CLCA4: variants seen among roughly 807,000 people sequenced by gnomAD.
The protein encoded by CLCA4 is chloride channel accessory 4.
In CLCA4, 69 loss-of-function variants were observed where a neutral mutation model predicts 78.9. The ratio of observed to expected loss-of-function variants is 0.87; its 90% CI spans 0.72 to 1.07. The LOEUF is 1.07. Ranked by LOEUF, CLCA4 falls within the 50% of genes least tolerant of loss-of-function variation. CLCA4 has a pLI of 0.00. For synonymous variants in CLCA4, 362 were observed against 375.8 expected (o/e 0.96, Z 0.42); for missense variants, 1,133 against 1,095.8 (o/e 1.03, Z -0.48).
chr1:86,576,853 G>C (rs1029592099), intron 11 of CLCA4, among the ~76,000 whole-genome samples: 2 of 152,012 alleles, frequency 1.3e-5, no homozygotes, highest in African/African-American at 4.8e-5. Context: ...GCACAGATGG[G>C]TGATGCCTAA....
In CLCA4 at chr1:86,562,853, TAAA is replaced by T. The variant is rs10579344; in HGVS notation, c.449-792_449-790del. 1.8e-3 allele frequency among the ~76,000 whole-genome samples: 245 copies of T among 133,184 alleles called. 1 individual carries two copies. Among genetic ancestry groups the T allele is most frequent in the Admixed American group, 4.2e-3 (56 of 13,314 alleles). 87.4% of individuals were successfully genotyped at this position (133,184 alleles called of 152,430 possible). On this transcript the variant is annotated intron_variant, in intron 3 of 13. Coordinates refer to ENST00000370563, the MANE Select transcript of CLCA4 (RefSeq NM_012128.4). ...CAGGCGACAGTGCGAGACTCCATCT[TAAA>T]AAAAAAAAAAAAAAAGAAGAAGAAA...
At chr1:86,549,436 T>G (rs1334213769) in intron 1 of CLCA4, among the ~76,000 whole-genome samples, 1 of 152,152 alleles carries the variant, frequency 6.6e-6, no homozygotes, top group Non-Finnish European at 1.5e-5. Context: ...CATAGGAGGA[T>G]TCTGAGCAGA....
intron 1 of CLCA4, among the ~76,000 whole-genome samples, chr1:86,558,348 G>T (rs1649910915): frequency 6.6e-6 from 1 of 152,164 alleles, no homozygotes; most frequent in African/African-American, 2.4e-5. Flanking sequence ...GCTGGTAACA[G>T]TCTTTCTATA....
chr1:86,558,963 G>C (rs1353658298), intron 1 of CLCA4, among the ~76,000 whole-genome samples: 1 of 151,988 alleles, frequency 6.6e-6, no homozygotes, highest in Non-Finnish European at 1.5e-5. Flanking sequence ...TTCCTCTCTA[G>C]CTGCCTTTAA....
chr1:86,565,648 T>C (rs1466028326), intron 5 of CLCA4, among the ~76,000 whole-genome samples, 154 bp from the exon 6 acceptor site: 1 of 152,144 alleles, frequency 6.6e-6, no homozygotes, highest in East Asian at 1.9e-4. Flanking sequence ...CTTATTATGG[T>C]AAATCTACCT....
At chr1:86,560,883 C>G (rs1046306647) in intron 3 of CLCA4, among the ~76,000 whole-genome samples, 1 of 152,054 alleles carries the variant, frequency 6.6e-6, no homozygotes, top group African/African-American at 2.4e-5. Flanking sequence ...TCATTTTGAC[C>G]TATAAAAATG....
rs145884216 is a variant in CLCA4 at position 86,580,361 on chromosome 1, A to G, written c.*16A>G. The G allele has an allele frequency of 2.7e-4, 412 of 1,542,848 alleles. 1 individual carries two copies. In the African/African-American group the frequency reaches 5.1e-3, roughly 19 times the overall value. On this transcript the variant is annotated 3_prime_UTR_variant, in exon 14 of 14. Transcript: ENST00000370563. ...CACCATTTGAACCTTAACGAAGAAA[A>G]AAATCTTCAAGTAGACCTAGAAGAG... is the stretch of plus-strand genomic sequence containing the variant.
intron 9 of CLCA4, among the ~76,000 whole-genome samples, chr1:86,573,391 G>C (rs935876806): frequency 6.6e-6 from 1 of 151,826 alleles, no homozygotes; most frequent in Non-Finnish European, 1.5e-5. Context: ...TGTGAACATA[G>C]CCAGTTTCTC....
At position 86,571,124 on chromosome 1, in the gene CLCA4, G is replaced by A. The variant is rs1446398462; in HGVS notation, c.1230G>A (p.Leu410=). Residue 410 remains leucine, a synonymous_variant, in exon 8 of 14, where the codon CTG becomes CTA. Transcript: ENST00000370563. ...AACTCGATGGATCCGAAGTACTGCTGCTGACTGATGGGGAGGATAACACTG... is the reference window on the plus strand; with the variant it reads ...AACTCGATGGATCCGAAGTACTGCTACTGACTGATGGGGAGGATAACACTG... The part of the protein sequence containing the change: ...HSQLDGSEVL[L]LTDGEDNTAS... The A allele has an allele frequency of 6.2e-7, 1 of 1,612,724 alleles. No homozygotes were observed. Among genetic ancestry groups the A allele is most frequent in the South Asian group, 1.1e-5 (1 of 91,002 alleles).
At chr1:86,556,772 C>CT (rs1468536369) in intron 1 of CLCA4, among the ~76,000 whole-genome samples, 1 of 152,164 alleles carries the variant, frequency 6.6e-6, no homozygotes, top group Non-Finnish European at 1.5e-5. Flanking sequence ...ACAAGCTCTT[C>CT]TTTGTACATC....
At chr1:86,568,895 A>G (rs1650273539) in intron 7 of CLCA4, among the ~76,000 whole-genome samples, 1 of 152,038 alleles carries the variant, frequency 6.6e-6, no homozygotes, top group Non-Finnish European at 1.5e-5. Flanking sequence ...TGTAACATGA[A>G]GTCCTGCATT....
chr1:86,571,385 T>A, intron 8 of CLCA4, 131 bp downstream of exon 8: 1 of 775,264 alleles, frequency 1.3e-6, no homozygotes, highest in Non-Finnish European at 2.0e-6. Context: ...ATCTCTGTTC[T>A]CGTGGCACTT....
chr1:86,571,330 CTT>C (rs1012105413), intron 8 of CLCA4, 76 bp downstream of exon 8: 29 of 1,415,334 alleles, frequency 2.0e-5, no homozygotes, highest in Admixed American at 5.9e-5. Context: ...AACAACGTCT[CTT>C]GAGTTTCTGC....
chr1:86,569,859 C>G (rs937527657), intron 7 of CLCA4, among the ~76,000 whole-genome samples: 8 of 152,010 alleles, frequency 5.3e-5, no homozygotes, highest in African/African-American at 1.4e-4. Context: ...GAATCCCCAG[C>G]ACGGTGACTG....
chr1:86,552,525 A>G (rs1168658624), intron 1 of CLCA4: 4 of 509,642 alleles, frequency 7.8e-6, no homozygotes, highest in South Asian at 4.9e-5. Context: ...CAGGGCAGCA[A>G]GGCTGGGCAG....
intron 1 of CLCA4, among the ~76,000 whole-genome samples, chr1:86,547,960 T>C (rs1200398134): frequency 2.6e-5 from 4 of 152,242 alleles, no homozygotes; most frequent in African/African-American, 7.2e-5. Context: ...CTTGGATATA[T>C]ACCCACTAGT....
rs1317941122 is a variant in CLCA4 at position 86,580,202 on chromosome 1, G to A, written c.2617G>A (p.Asp873Asn). ...VTLFIPQANP[D>N]DIDPTPTPTP... ...TTTGTTTATCCCTCAAGCAAATCCT[G>A]ATGACATTGATCCTACACCTACTCC... The change falls in exon 14 of 14, where the codon GAT (aspartate) becomes AAT (asparagine). Residue 873 changes from aspartate to asparagine, a missense_variant. Coordinates refer to ENST00000370563, the MANE Select transcript of CLCA4 (RefSeq NM_012128.4). 6.3e-7 allele frequency: 1 copy of A among 1,584,064 alleles called. No homozygotes were observed. Among genetic ancestry groups the A allele is most frequent in the African/African-American group, 1.5e-5 (1 of 66,006 alleles).
chr1:86,576,732 G>A (rs1241289687), intron 11 of CLCA4, among the ~76,000 whole-genome samples: 1 of 151,984 alleles, frequency 6.6e-6, no homozygotes, highest in African/African-American at 2.4e-5. Context: ...GGGGCCCAGA[G>A]GCAGCTAGCA....
intron 1 of CLCA4, chr1:86,552,607 C>T (rs1231084804): frequency 4.6e-6 from 3 of 649,494 alleles, no homozygotes; most frequent in South Asian, 1.8e-5. Flanking sequence ...TGCGAGCGCT[C>T]AGGGCTCTGG....
Sources: gnomAD v4.1 joint callset for allele counts (sites outside exome capture counted in the v4.1 genomes callset) on GRCh38, gnomAD v4.1.1 for gene constraint, MANE v1.5 for transcripts, NCBI Gene and HGNC (gene_info 2026-07-23, HGNC 2026-07-21) for gene names.